MROH7: variants seen among roughly 807,000 people sequenced by gnomAD.
MROH7 encodes the protein maestro heat like repeat family member 7.
Under a neutral mutation model 129.2 loss-of-function variants are expected in MROH7, and 113 were observed. That is an observed-to-expected ratio of 0.87 (90% CI 0.75 to 1.02). The LOEUF (loss-of-function observed/expected upper bound fraction) is 1.02, where lower values mean the gene tolerates loss of function less well. Among genes scored for constraint, MROH7 ranks in the 50% least tolerant of loss-of-function variants. The pLI is 0.00. For missense variants in MROH7, 1,601 were observed against 1,671.3 expected, an observed-to-expected ratio of 0.96 and a Z score of 0.73; for synonymous variants, 655 against 667.9, an observed-to-expected ratio of 0.98 and a Z score of 0.30.
rs746954048 is a variant in MROH7 at position 54,652,991 on chromosome 1, C to T, written c.65C>T (p.Pro22Leu). Residue 22 changes from proline (P) to leucine (L), a missense_variant, in exon 3 of 24, where the codon CCC (proline) becomes CTC (leucine). Coordinates refer to ENST00000421030, the MANE Select transcript of MROH7 (RefSeq NM_001039464.4). ...HEDPKMTPSP[P>L]SCGAPGLGSG... ...GACCCAAAGATGACACCAAGTCCCC[C>T]CTCCTGTGGGGCCCCGGGATTAGGG... The T allele has an allele frequency of 1.2e-6, 2 of 1,613,752 alleles. No individual in the cohort carries two copies. Among genetic ancestry groups the T allele is most frequent in the East Asian group, 2.2e-5 (1 of 44,880 alleles).
At chr1:54,697,364 C>A in intron 17 of MROH7, 1 of 338,910 alleles carries the variant, frequency 3.0e-6, no homozygotes, top group Non-Finnish European at 5.3e-6. Flanking sequence ...GGTATTGCAC[C>A]CCCAGGTCCA....
In MROH7 at chr1:54,653,920, G is replaced by C. The variant is rs1252620252; in HGVS notation, c.994G>C (p.Gly332Arg). 8.1e-6 allele frequency: 13 copies of C among 1,613,968 alleles called. No homozygotes were observed. Among genetic ancestry groups the C allele is most frequent in the Non-Finnish European group, 1.0e-5 (12 of 1,180,022 alleles). Residue 332 changes from glycine (G) to arginine (R), a missense_variant, in exon 3 of 24, where the codon GGT (glycine) becomes CGT (arginine). Coordinates refer to ENST00000421030, the MANE Select transcript of MROH7 (RefSeq NM_001039464.4). Reference sequence around the variant, plus strand: ...ACCCTCATGCATGACTCTAATCCTGGGTTCCAATGAGACTCTGAGCCTGGA... The same window carrying C: ...ACCCTCATGCATGACTCTAATCCTGCGTTCCAATGAGACTCTGAGCCTGGA... ...SPPSCMTLIL[G>R]SNETLSLDSS...
intron 17 of MROH7, chr1:54,698,247 G>C (rs1645353844): frequency 6.4e-6 from 1 of 155,752 alleles, no homozygotes; most frequent in Non-Finnish European, 1.4e-5. Context: ...TGTAGTATGG[G>C]GATGATGACT....
At position 54,670,815 on chromosome 1, in the gene MROH7, C is replaced by G; in HGVS notation, c.1485C>G (p.Thr495=). The G allele has an allele frequency of 6.2e-7, 1 of 1,614,046 alleles. No homozygotes were observed. The highest frequency in any genetic ancestry group is 2.2e-5 in the East Asian group (1 of 44,862). The change falls in exon 7 of 24, where the codon ACC becomes ACG. Residue 495 remains threonine (T), a synonymous_variant. Transcript: ENST00000421030. Reference sequence around the variant, plus strand: ...TCTTCTCCAGCCACACCCAGCCCACCCTGGGCATGCGGGAGAGGTCGGAGC... The same window carrying G: ...TCTTCTCCAGCCACACCCAGCCCACGCTGGGCATGCGGGAGAGGTCGGAGC... ...ILTQLSHTQP[T]LGMRERSELV...
At chr1:54,679,119 A>G (rs2101128739) in intron 11 of MROH7, 144 bp from the exon 12 acceptor site, 3 of 865,256 alleles carry the variant, frequency 3.5e-6, no homozygotes, top group South Asian at 2.8e-5. Flanking sequence ...TTCAACACTT[A>G]TGTGTTAACT....
intron 20 of MROH7, 27 bp downstream of exon 20, chr1:54,702,272 C>T (rs1401357691): frequency 7.1e-7 from 1 of 1,407,152 alleles, no homozygotes; most frequent in Admixed American, 3.0e-5. Context: ...CCTGCACCCT[C>T]TACCCCTCCC....
chr1:54,706,354 C>G, intron 21 of MROH7, 81 bp from the exon 22 acceptor site: 1 of 1,023,468 alleles, frequency 9.8e-7, no homozygotes. Context: ...GTGAGGGTCA[C>G]CATTCCTAGC....
intron 15 of MROH7, among the ~76,000 whole-genome samples, chr1:54,686,856 C>T (rs1645156036): frequency 6.6e-6 from 1 of 152,146 alleles, no homozygotes; most frequent in Non-Finnish European, 1.5e-5. Flanking sequence ...CCTTCCCTGT[C>T]CTTACCCCAG....
At chr1:54,659,375 G>A (rs1445264425) in intron 3 of MROH7, among the ~76,000 whole-genome samples, 4 of 151,194 alleles carry the variant, frequency 2.6e-5, no homozygotes, top group Non-Finnish European at 5.9e-5. Context: ...CTCCACCTTC[G>A]GGGTTCAAGC....
At position 54,653,168 on chromosome 1, in the gene MROH7, C is replaced by T. The variant is rs2101066300; in HGVS notation, c.242C>T (p.Pro81Leu). Residue 81 changes from proline to leucine, a missense_variant, in exon 3 of 24, where the codon CCC (proline) becomes CTC (leucine). By Grantham distance (98) the Pro-to-Leu change is moderately conservative. Coordinates refer to ENST00000421030, the MANE Select transcript of MROH7 (RefSeq NM_001039464.4). ...TCAGGCCTGGTGTCTGAAAACACCCCCAGACCTGATGACAGCAGAGCTATC... is the reference window on the plus strand; with the variant it reads ...TCAGGCCTGGTGTCTGAAAACACCCTCAGACCTGATGACAGCAGAGCTATC... ...EASGLVSENT[P>L]RPDDSRAIAP... 2 of 1,614,186 alleles carry T rather than the reference C, an allele frequency of 1.2e-6. No individual in the cohort carries two copies. Among genetic ancestry groups the T allele is most frequent in the East Asian group, 4.5e-5 (2 of 44,874 alleles).
chr1:54,684,401 T>G (rs768677307), intron 14 of MROH7, among the ~76,000 whole-genome samples: 45 of 152,018 alleles, frequency 3.0e-4, no homozygotes, highest in Non-Finnish European at 4.4e-4. Flanking sequence ...GTTCTGTGCC[T>G]AAGGCACCAG....
intron 10 of MROH7, among the ~76,000 whole-genome samples, chr1:54,676,828 C>T (rs543103481): frequency 3.3e-5 from 5 of 152,148 alleles, no homozygotes; most frequent in African/African-American, 9.6e-5. Flanking sequence ...CCTGCCTTAG[C>T]CTCCTGAGTA....
intron 3 of MROH7, among the ~76,000 whole-genome samples, chr1:54,664,901 A>G (rs1281124811): frequency 6.6e-6 from 1 of 152,134 alleles, no homozygotes; most frequent in African/African-American, 2.4e-5. Flanking sequence ...AATCCCAGCT[A>G]CTTGGGAGGC....
At chr1:54,692,944 A>T (rs1409451971) in intron 16 of MROH7, among the ~76,000 whole-genome samples, 1 of 152,184 alleles carries the variant, frequency 6.6e-6, no homozygotes, top group Non-Finnish European at 1.5e-5. Flanking sequence ...GTGACCTGGG[A>T]CAAGTTACTT....
intron 22 of MROH7, among the ~76,000 whole-genome samples, chr1:54,708,445 A>ACAAACAAACAAACAAAC (rs1219608395): frequency 3.4e-4 from 37 of 108,482 alleles, no homozygotes; most frequent in African/African-American, 1.4e-3. Context: ...AACAAACAAT[A>ACAAACAAACAAACAAAC]GTGAGGGAAG....
chr1:54,648,125 C>G (rs1182331844), intron 1 of MROH7, among the ~76,000 whole-genome samples: 3 of 151,704 alleles, frequency 2.0e-5, no homozygotes, highest in Non-Finnish European at 4.4e-5. Flanking sequence ...CTCAAGTGAT[C>G]CTCCCACTTC....
chr1:54,698,777 G>C (rs1311180994), intron 17 of MROH7: 5 of 151,770 alleles, frequency 3.3e-5, no homozygotes, highest in Non-Finnish European at 7.3e-5. Flanking sequence ...GCCTAAGGAG[G>C]AAAGGAGCCA....
intron 16 of MROH7, 92 bp from the exon 17 acceptor site, chr1:54,695,284 A>T: frequency 1.5e-6 from 1 of 686,732 alleles, no homozygotes; most frequent in Non-Finnish European, 2.6e-6. Flanking sequence ...ATCCTGGCTT[A>T]CCCAGGATTT....
At chr1:54,666,884 A>G (rs1569895502) in intron 4 of MROH7, among the ~76,000 whole-genome samples, 1 of 152,180 alleles carries the variant, frequency 6.6e-6, no homozygotes, top group African/African-American at 2.4e-5. Context: ...AAGGAACAAC[A>G]GCTGATCTCC....
Sources: allele counts gnomAD v4.1 joint callset (sites outside exome capture counted in the v4.1 genomes callset), GRCh38; gene constraint gnomAD v4.1.1; transcripts MANE v1.5; gene names NCBI Gene and HGNC (gene_info 2026-07-23, HGNC 2026-07-21).